Variants in TRIM9 observed in about 807,000 individuals in gnomAD.
TRIM9 encodes the protein tripartite motif containing 9, also known as E3 ubiquitin-protein ligase TRIM9.
Under a neutral mutation model 78.3 loss-of-function variants are expected in TRIM9, and 26 were observed. The ratio of observed to expected loss-of-function variants is 0.33; its 90% CI spans 0.24 to 0.46. TRIM9 has a LOEUF of 0.46. Ranked by LOEUF, TRIM9 falls within the 20% of genes least tolerant of loss-of-function variation. The probability of loss-of-function intolerance (pLI) is 1.00; values close to 1 mark genes in which losing one functional copy is unlikely to be tolerated. For missense variants in TRIM9, 787 were observed against 1,036.4 expected (o/e 0.76, Z 3.30); for synonymous variants, 398 against 416.5 (o/e 0.96, Z 0.54).
chr14:51,058,152 C>G (rs2061036676), intron 1 of TRIM9, among the ~76,000 whole-genome samples: 1 of 152,180 alleles, frequency 6.6e-6, no homozygotes, highest in South Asian at 2.1e-4. Flanking sequence ...ATCTAGCAGC[C>G]TAAGCCAGCA....
chr14:51,012,619 T>G (rs1287174495), intron 3 of TRIM9, among the ~76,000 whole-genome samples: 1 of 152,208 alleles, frequency 6.6e-6, no homozygotes, highest in Non-Finnish European at 1.5e-5. Context: ...TGTTTAATTT[T>G]TTGAGGGATC....
chr14:51,081,125 A>G (rs1341726917), intron 1 of TRIM9, among the ~76,000 whole-genome samples: 1 of 152,232 alleles, frequency 6.6e-6, no homozygotes, highest in African/African-American at 2.4e-5. Flanking sequence ...ATAAGTATCC[A>G]GCATAAATAA....
At chr14:51,058,916 C>A (rs1326374838) in intron 1 of TRIM9, among the ~76,000 whole-genome samples, 1 of 152,168 alleles carries the variant, frequency 6.6e-6, no homozygotes, top group East Asian at 1.9e-4. Context: ...CAAGAATTCT[C>A]ATGTAATGTT....
At chr14:51,043,337 G>C (rs977309300) in intron 1 of TRIM9, among the ~76,000 whole-genome samples, 2 of 152,240 alleles carry the variant, frequency 1.3e-5, no homozygotes, top group African/African-American at 4.8e-5. Context: ...GCCGGAGGAA[G>C]GAGTTTCCAA....
At chr14:51,077,928 G>A (rs2062949494) in intron 1 of TRIM9, among the ~76,000 whole-genome samples, 1 of 152,184 alleles carries the variant, frequency 6.6e-6, no homozygotes, top group South Asian at 2.1e-4. Context: ...TTCTTTCTGG[G>A]CATATAAAAG....
intron 1 of TRIM9, among the ~76,000 whole-genome samples, chr14:51,075,439 G>A (rs2062684749): frequency 6.6e-6 from 1 of 152,118 alleles, no homozygotes; most frequent in Non-Finnish European, 1.5e-5. Context: ...TTTGCAACAT[G>A]TATTTACATT....
intron 1 of TRIM9, among the ~76,000 whole-genome samples, chr14:51,028,860 G>C (rs1477861984): frequency 1.3e-5 from 2 of 152,116 alleles, no homozygotes; most frequent in Admixed American, 6.5e-5. Flanking sequence ...GCCTGAAGGA[G>C]AGAAACAAAG....
intron 3 of TRIM9, among the ~76,000 whole-genome samples, chr14:51,017,761 A>T (rs1412308264): frequency 6.6e-6 from 1 of 152,224 alleles, no homozygotes; most frequent in East Asian, 1.9e-4. Flanking sequence ...AAGAGTACTA[A>T]GGAAGCTCTG....
At chr14:51,089,875 G>C (rs2064144125) in intron 1 of TRIM9, 1 of 152,054 alleles carries the variant, frequency 6.6e-6, no homozygotes, top group Non-Finnish European at 1.5e-5. Context: ...GACTCTGTTT[G>C]ACATGAATGT....
chr14:50,988,801 C>T (rs2053090047), intron 7 of TRIM9, among the ~76,000 whole-genome samples: 1 of 152,162 alleles, frequency 6.6e-6, no homozygotes, highest in Admixed American at 6.5e-5. Context: ...GCATGTAGTG[C>T]ACATGCTGGG....
At chr14:51,062,481 C>G (rs1185692284) in intron 1 of TRIM9, among the ~76,000 whole-genome samples, 1 of 151,980 alleles carries the variant, frequency 6.6e-6, no homozygotes, top group Admixed American at 6.6e-5. Context: ...AATTATAAAC[C>G]CTGGGGAATA....
intron 1 of TRIM9, among the ~76,000 whole-genome samples, chr14:51,037,704 G>T (rs2059266753): frequency 6.6e-6 from 1 of 151,828 alleles, no homozygotes; most frequent in Non-Finnish European, 1.5e-5. Context: ...AGACTCTTTG[G>T]CTCTTTAAAA....
chr14:51,051,617 A>C (rs541264267), intron 1 of TRIM9, among the ~76,000 whole-genome samples: 7 of 152,188 alleles, frequency 4.6e-5, no homozygotes, highest in Non-Finnish European at 1.0e-4. Flanking sequence ...TTAGCTATTA[A>C]TAAATCACCC....
At chr14:50,984,464 T>A (rs1004127051) in intron 8 of TRIM9, among the ~76,000 whole-genome samples, 12 of 152,368 alleles carry the variant, frequency 7.9e-5, no homozygotes, top group African/African-American at 2.4e-4. Context: ...AAAGAATCGT[T>A]TCCTCCCATC....
rs538636106 is a variant in TRIM9 at position 51,082,329 on chromosome 14, T to C, written c.822+11789A>G. 5.3e-5 allele frequency among the ~76,000 whole-genome samples: 8 copies of C among 152,288 alleles called. No individual in the cohort carries two copies. The East Asian group carries it at 1.2e-3, about 22-fold the overall frequency. Reference sequence around the variant, plus strand: ...ATGTTCATAACAGCATTATTAGTAATAGCCAAAAAGTGGAAGTAACCCAAA... The same window carrying C: ...ATGTTCATAACAGCATTATTAGTAACAGCCAAAAAGTGGAAGTAACCCAAA... On this transcript the variant is annotated intron_variant, in intron 1 of 12. Coordinates refer to ENST00000684578, the MANE Select transcript of TRIM9 (RefSeq NM_001387360.1).
intron 1 of TRIM9, chr14:51,090,981 T>C (rs903500877): frequency 6.6e-6 from 1 of 152,200 alleles, no homozygotes; most frequent in Admixed American, 6.5e-5. Context: ...CACAAAGTAA[T>C]AGTAGTGGTT....
intron 1 of TRIM9, among the ~76,000 whole-genome samples, chr14:51,039,071 G>C (rs1046520400): frequency 6.6e-6 from 1 of 152,180 alleles, no homozygotes; most frequent in African/African-American, 2.4e-5. Flanking sequence ...TCTGAATTTA[G>C]AAGGCCTTAC....
chr14:50,984,014 G>T (rs1232327505), intron 8 of TRIM9, among the ~76,000 whole-genome samples: 2 of 152,198 alleles, frequency 1.3e-5, no homozygotes, highest in East Asian at 3.8e-4. Context: ...GAGGAGGGAT[G>T]GTAGGAGTGG....
intron 1 of TRIM9, among the ~76,000 whole-genome samples, chr14:51,052,992 A>T (rs972284918): frequency 2.0e-5 from 3 of 152,092 alleles, no homozygotes; most frequent in African/African-American, 7.2e-5. Context: ...CCCTACCTCT[A>T]TAAAAATGTA....
Sources: gnomAD v4.1 joint callset for allele counts (sites outside exome capture counted in the v4.1 genomes callset) on GRCh38, gnomAD v4.1.1 for gene constraint, MANE v1.5 for transcripts, NCBI Gene and HGNC (gene_info 2026-07-23, HGNC 2026-07-21) for gene names.